WWP1: variants seen among roughly 807,000 people sequenced by gnomAD.
The protein encoded by WWP1 is NEDD4-like E3 ubiquitin-protein ligase WWP1.
A neutral mutation model predicts 130.6 loss-of-function variants in WWP1; 49 were observed. That is an observed-to-expected ratio of 0.38 (90% confidence interval 0.30 to 0.48). WWP1 has a LOEUF of 0.48. Ranked by LOEUF, WWP1 falls within the 20% of genes least tolerant of loss-of-function variation. The pLI, the probability that WWP1 is intolerant of heterozygous loss-of-function variation, is 0.99. For missense variants in WWP1, 809 were observed against 1,100.6 expected (o/e 0.74, Z 3.75); for synonymous variants, 332 against 367.8 (o/e 0.90, Z 1.11).
Position 86,451,050 on chromosome 8 carries a change from A to AAAAT in WWP1, c.2274-1489_2274-1486dup, listed in dbSNP as rs371952096. Among the ~76,000 whole-genome samples the AAAAT allele has an allele frequency of 9.4e-3, 1,422 of 150,976 alleles. 25 individuals carry two copies. Among genetic ancestry groups the AAAAT allele is most frequent in the African/African-American group, 0.033 (1,350 of 40,984 alleles). ...AACATGGCAAAACCTCATCTCTACA[A>AAAAT]AAATAAATAAATAAATAAATAAAAT... On this transcript the variant is annotated intron_variant, in intron 20 of 24. Transcript: ENST00000517970.
At position 86,342,707 on chromosome 8, in the gene WWP1, C is replaced by CGGGGGGGGGGGGGG. The variant is rs1822262029; in HGVS notation, c.-334_-333insGGGGGGGGGGGGGG. ...GGGTCGGCTGGGGGTGGCGCGTGGA[C>CGGGGGGGGGGGGGG]GGGGTGGGGGTGGGGGGAGGGTCGG... On this transcript the variant is annotated 5_prime_UTR_variant, in exon 1 of 25. Transcript: ENST00000517970. 5.2e-6 allele frequency: 1 copy of CGGGGGGGGGGGGGG among 192,704 alleles called. No homozygotes were observed. The highest frequency in any genetic ancestry group is 1.7e-4 in the Admixed American group (1 of 5,832). 11.9% of individuals were successfully genotyped at this position (192,704 alleles called of 1,614,324 possible). A position where few individuals can be genotyped will look rare whatever the true frequency, so the allele number is the denominator to read the frequency against.
chr8:86,364,833 A>AAGAAAGAG (rs1491179112), intron 1 of WWP1, among the ~76,000 whole-genome samples: 169 of 113,812 alleles, frequency 1.5e-3, no homozygotes, highest in African/African-American at 4.4e-3. Flanking sequence ...GAAAGAAAGA[A>AAGAAAGAG]AGAGAGAGAG....
intron 5 of WWP1, among the ~76,000 whole-genome samples, chr8:86,392,665 A>G (rs1807420540): frequency 6.6e-6 from 1 of 152,174 alleles, no homozygotes; most frequent in African/African-American, 2.4e-5. Flanking sequence ...GTTTTATTTT[A>G]TAATTCTCTT....
At chr8:86,414,375 G>T (rs928444230) in intron 9 of WWP1, among the ~76,000 whole-genome samples, 2 of 152,088 alleles carry the variant, frequency 1.3e-5, no homozygotes, top group African/African-American at 4.8e-5. Context: ...ACTAATCCAG[G>T]GGAGAAATTA....
At chr8:86,355,066 C>G (rs190676583) in intron 1 of WWP1, among the ~76,000 whole-genome samples, 1 of 152,042 alleles carries the variant, frequency 6.6e-6, no homozygotes, top group South Asian at 2.1e-4. Flanking sequence ...TAGGTCTGTC[C>G]GACTTGAAAA....
intron 1 of WWP1, among the ~76,000 whole-genome samples, chr8:86,356,574 C>G (rs991764885): frequency 2.0e-5 from 3 of 151,712 alleles, no homozygotes; most frequent in African/African-American, 7.3e-5. Context: ...TGTACTGATA[C>G]CATTTAGGTT....
At position 86,398,388 on chromosome 8, in the gene WWP1, T is replaced by C. The variant is rs1245112369; in HGVS notation, c.381T>C (p.Asn127=). ...TAAAACTTTCCTTGGAAAACAAGAA[T>C]GGCATAGCACAAACTGGTGAATTGA... is the stretch of plus-strand genomic sequence containing the variant. ...EQLKLSLENK[N]GIAQTGELTV... Residue 127 remains asparagine (N), a synonymous_variant, in exon 6 of 25, where the codon AAT becomes AAC. Transcript: ENST00000517970. 1.9e-6 allele frequency: 3 copies of C among 1,607,870 alleles called. No individual in the cohort carries two copies. In the South Asian group the frequency reaches 3.3e-5, roughly 18 times the overall value.
intron 2 of WWP1, 33 bp from the exon 3 acceptor site, chr8:86,373,997 A>C: frequency 6.7e-7 from 1 of 1,499,102 alleles, no homozygotes; most frequent in Non-Finnish European, 9.1e-7. Flanking sequence ...ACTCTTATCT[A>C]ACACATGAAT....
chr8:86,380,662 T>A, intron 3 of WWP1, 64 bp from the exon 4 acceptor site: 4 of 1,464,420 alleles, frequency 2.7e-6, no homozygotes, highest in Non-Finnish European at 3.6e-6. Context: ...TTCTTATTGA[T>A]TGATTAGTGT....
At chr8:86,347,461 A>G (rs1822651967) in intron 1 of WWP1, among the ~76,000 whole-genome samples, 1 of 152,118 alleles carries the variant, frequency 6.6e-6, no homozygotes, top group Admixed American at 6.5e-5. Flanking sequence ...GTACAATGGA[A>G]CATCATTAGT....
At chr8:86,454,212 A>G (rs919870217) in intron 21 of WWP1, among the ~76,000 whole-genome samples, 1 of 152,158 alleles carries the variant, frequency 6.6e-6, no homozygotes, top group Non-Finnish European at 1.5e-5. Flanking sequence ...TACACTTTAA[A>G]TCATCTCTAG....
chr8:86,412,462 C>T (rs1808640787), intron 9 of WWP1, among the ~76,000 whole-genome samples: 2 of 152,040 alleles, frequency 1.3e-5, no homozygotes, highest in Admixed American at 1.3e-4. Flanking sequence ...ACTGATAATA[C>T]TAATATTAAT....
At chr8:86,456,417 C>T (rs555531653) in intron 21 of WWP1, among the ~76,000 whole-genome samples, 2 of 151,912 alleles carry the variant, frequency 1.3e-5, no homozygotes, top group East Asian at 1.9e-4. Context: ...GATAAGAAAA[C>T]ATTTTTAAAT....
At chr8:86,452,105 T>C (rs538979277) in intron 20 of WWP1, among the ~76,000 whole-genome samples, 3 of 152,186 alleles carry the variant, frequency 2.0e-5, no homozygotes, top group African/African-American at 7.2e-5. Flanking sequence ...CTTGCTGGTG[T>C]GGAAGGCTTT....
chr8:86,452,809 G>C (rs1811245380), intron 21 of WWP1, 130 bp downstream of exon 21: 4 of 1,166,844 alleles, frequency 3.4e-6, no homozygotes, highest in Non-Finnish European at 4.9e-6. Context: ...CATTTGTCCT[G>C]ATGTCAAGGT....
chr8:86,451,152 A>G (rs1218543843), intron 20 of WWP1, among the ~76,000 whole-genome samples: 1 of 145,602 alleles, frequency 6.9e-6, no homozygotes, highest in African/African-American at 2.5e-5. Context: ...TGGGAAGATC[A>G]CCTAAGCCCA....
rs565553594 is a variant in WWP1, at chr8:86,441,764, G to A, written c.1839-855G>A. 2.3e-4 allele frequency among the ~76,000 whole-genome samples: 35 copies of A among 152,316 alleles called. No individual in the cohort carries two copies. In the South Asian group the frequency reaches 6.6e-3, roughly 29 times the overall value. On this transcript the variant is annotated intron_variant, in intron 17 of 24. Transcript: ENST00000517970. ...ATTCAGCAGGTATATAAGGAATGGA[G>A]GATTGTGGCTAAGCAGAGAATGTGA...
intron 5 of WWP1, among the ~76,000 whole-genome samples, chr8:86,389,567 C>T (rs868527140): frequency 3.3e-5 from 5 of 152,242 alleles, no homozygotes; most frequent in Admixed American, 3.3e-4. Flanking sequence ...TCTACACAGA[C>T]ACCGTAACAA....
At chr8:86,412,868 G>A (rs1165955751) in intron 9 of WWP1, among the ~76,000 whole-genome samples, 1 of 151,994 alleles carries the variant, frequency 6.6e-6, no homozygotes, top group Non-Finnish European at 1.5e-5. Flanking sequence ...CATTCTTGTT[G>A]GCCAGGCTAG....
Sources: gnomAD v4.1 joint callset for allele counts (sites outside exome capture counted in the v4.1 genomes callset) on GRCh38, gnomAD v4.1.1 for gene constraint, MANE v1.5 for transcripts, NCBI Gene and HGNC (gene_info 2026-07-23, HGNC 2026-07-21) for gene names.